IL23R: variants seen among roughly 807,000 people sequenced by gnomAD.
IL23R encodes the protein interleukin-23 receptor.
In IL23R, 34 loss-of-function variants were observed where a neutral mutation model predicts 56.9. The ratio of observed to expected loss-of-function variants is 0.60; its 90% CI spans 0.45 to 0.80. The LOEUF (loss-of-function observed/expected upper bound fraction) is 0.80, where lower values mean the gene tolerates loss of function less well. IL23R is among the 30% of genes least tolerant of loss of function. The pLI is 0.00. For synonymous variants in IL23R, 230 were observed against 249.2 expected, an observed-to-expected ratio of 0.92 and a Z score of 0.73; for missense variants, 635 against 730.0, an observed-to-expected ratio of 0.87 and a Z score of 1.50.
chr1:67,186,199 C>T (rs555290012), intron 4 of IL23R, among the ~76,000 whole-genome samples: 94 of 152,324 alleles, frequency 6.2e-4, no homozygotes, highest in African/African-American at 2.2e-3. Context: ...TTCAAGCACA[C>T]AGAAAAACCA....
At chr1:67,261,324 T>A (rs1653195134), downstream of IL23R, among the ~76,000 whole-genome samples, 1 of 151,616 alleles carries the variant, frequency 6.6e-6, no homozygotes, top group Non-Finnish European at 1.5e-5. Flanking sequence ...TATCTTTTTT[T>A]TTTTTTTTGC....
In IL23R at chr1:67,258,511, G is replaced by A. The variant is rs769973852; in HGVS notation, c.1273G>A (p.Glu425Lys). ...NSELMNNNSS[E>K]QVLYVDPMIT... ...TGAACTTATGAATAATAATTCCAGT[G>A]AGCAGGTCCTATATGTTGATCCCAT... The change falls in exon 11 of 11, where the codon GAG becomes AAG. Residue 425 changes from glutamate (E) to lysine (K), a missense_variant. Physicochemically the swap from Glu to Lys is moderately conservative, Grantham distance 56. Transcript: ENST00000347310. 1 of 1,602,670 alleles carries A rather than the reference G, an allele frequency of 6.2e-7. No homozygotes were observed. Among genetic ancestry groups the A allele is most frequent in the Non-Finnish European group, 8.5e-7 (1 of 1,174,844 alleles).
At chr1:67,161,775 G>A (rs1233878657), upstream of IL23R, among the ~76,000 whole-genome samples, 5 of 151,760 alleles carry the variant, frequency 3.3e-5, no homozygotes, top group African/African-American at 1.2e-4. Flanking sequence ...TTACAGACAT[G>A]AGCCAACACG....
rs184804536 is a variant in IL23R at position 67,184,483 on chromosome 1, C to T, written c.491+1524C>T. Among the ~76,000 whole-genome samples the T allele has an allele frequency of 3.1e-3, 473 of 150,672 alleles. 5 individuals are homozygous for T. Among genetic ancestry groups the T allele is most frequent in the African/African-American group, 0.011 (456 of 40,928 alleles). Reference sequence around the variant, plus strand: ...ATTGCTTGAACTCAGGAGACAGGAGCTTGCAGTGAGCCAAGATCGTGCCAT... The same window carrying T: ...ATTGCTTGAACTCAGGAGACAGGAGTTTGCAGTGAGCCAAGATCGTGCCAT... On this transcript the variant is annotated intron_variant, in intron 4 of 10. Coordinates refer to ENST00000347310, the MANE Select transcript of IL23R (RefSeq NM_144701.3).
intron 9 of IL23R, among the ~76,000 whole-genome samples, chr1:67,240,918 T>C (rs59033475): frequency 0.12 from 17,914 of 152,246 alleles, 1,582 homozygotes; most frequent in Admixed American, 0.26. Context: ...GCATTTGCCT[T>C]ATTTGAACAC....
At chr1:67,228,147 T>TTTC (rs1354633081) in intron 7 of IL23R, among the ~76,000 whole-genome samples, 3 of 98,472 alleles carry the variant, frequency 3.0e-5, no homozygotes, top group South Asian at 3.1e-4. Context: ...TTTCTGTCTT[T>TTTC]CTTTTTCCTT....
intron 3 of IL23R, among the ~76,000 whole-genome samples, chr1:67,172,235 G>A (rs1012196508): frequency 6.6e-6 from 1 of 152,050 alleles, no homozygotes; most frequent in Non-Finnish European, 1.5e-5. Flanking sequence ...GCTTTCACTG[G>A]ACCACTTTGA....
At chr1:67,154,672 G>A (rs1453739216) in intron 1 of IL23R, among the ~76,000 whole-genome samples, 1 of 151,798 alleles carries the variant, frequency 6.6e-6, no homozygotes, top group Non-Finnish European at 1.5e-5. Context: ...TTTATTTTGA[G>A]CCAATGTGTC....
chr1:67,221,856 A>G (rs1650272753), intron 7 of IL23R, among the ~76,000 whole-genome samples: 1 of 152,118 alleles, frequency 6.6e-6, no homozygotes, highest in Non-Finnish European at 1.5e-5. Context: ...CTCTTCTGGT[A>G]TCTCCTACTG....
intron 9 of IL23R, among the ~76,000 whole-genome samples, chr1:67,250,924 G>A (rs568063272): frequency 3.3e-5 from 5 of 152,298 alleles, no homozygotes; most frequent in South Asian, 4.1e-4. Flanking sequence ...AATGGATTTC[G>A]AGAGAGATCT....
intron 1 of IL23R, among the ~76,000 whole-genome samples, chr1:67,154,014 C>A (rs548912903): frequency 6.6e-6 from 1 of 152,178 alleles, no homozygotes; most frequent in East Asian, 1.9e-4. Flanking sequence ...GTGATCTGCC[C>A]GCTTCGTTCT....
At chr1:67,173,142 A>G (rs542913934) in intron 3 of IL23R, among the ~76,000 whole-genome samples, 18 of 152,144 alleles carry the variant, frequency 1.2e-4, no homozygotes, top group Non-Finnish European at 2.2e-4. Context: ...ATTCTCTAGT[A>G]TCTAGTTGTA....
chr1:67,218,352 G>GTA (rs369692194), intron 6 of IL23R, among the ~76,000 whole-genome samples: 92 of 100,400 alleles, frequency 9.2e-4, no homozygotes, highest in African/African-American at 2.9e-3. Context: ...GTGTGTGTGT[G>GTA]TGTGTGTATA....
chr1:67,177,032 G>A (rs56980504), intron 3 of IL23R, among the ~76,000 whole-genome samples: 3,612 of 152,182 alleles, frequency 0.024, 134 homozygotes, highest in African/African-American at 0.082. Flanking sequence ...GGACATTTGG[G>A]TTGGTTCCAA....
rs150101580 is a variant in IL23R, at chr1:67,220,638, C to A, written c.955+908C>A. Among the ~76,000 whole-genome samples, 177 of 152,232 alleles carry A rather than the reference C, an allele frequency of 1.2e-3. 4 individuals are homozygous for A. The East Asian group carries it at 0.029, about 25-fold the overall frequency. ...ATCCCAGCACTTTGGGAGACCAAGG[C>A]AGAAAGATTGCTTGAGCCCAGGAGT... On this transcript the variant is annotated intron_variant, in intron 7 of 10. Transcript: ENST00000347310.
At chr1:67,165,712 G>A (rs1646866823), upstream of IL23R, among the ~76,000 whole-genome samples, 1 of 152,220 alleles carries the variant, frequency 6.6e-6, no homozygotes. Flanking sequence ...AAGCCAGACA[G>A]AGAAAGACAA....
intron 1 of IL23R, among the ~76,000 whole-genome samples, chr1:67,144,930 C>T (rs999434353): frequency 2.6e-5 from 4 of 152,180 alleles, no homozygotes; most frequent in Admixed American, 6.5e-5. Flanking sequence ...ACTGGGGGTC[C>T]CACAGGCACT....
At position 67,258,646 on chromosome 1, in the gene IL23R, G is replaced by A. The variant is rs375054504; in HGVS notation, c.1408G>A (p.Asp470Asn). The A allele has an allele frequency of 3.8e-5, 61 of 1,613,670 alleles. No individual in the cohort carries two copies. The highest frequency in any genetic ancestry group is 4.7e-5 in the Non-Finnish European group (56 of 1,179,940). The change falls in exon 11 of 11, where the codon GAC becomes AAC. Residue 470 changes from aspartate (D) to asparagine (N), a missense_variant. Transcript: ENST00000347310. ...AGACTACCCGCAAAACTCGCTATTC[G>A]ACAATACTACAGTTGTATATATTCC... ...TRDYPQNSLF[D>N]NTTVVYIPDL...
intron 6 of IL23R, among the ~76,000 whole-genome samples, chr1:67,216,255 G>T (rs186244983): frequency 3.0e-4 from 46 of 152,330 alleles, no homozygotes; most frequent in African/African-American, 1.1e-3. Flanking sequence ...AGGCAGAGAT[G>T]TGCCATGATC....
Sources: gnomAD v4.1 joint callset for allele counts (sites outside exome capture counted in the v4.1 genomes callset) on GRCh38, gnomAD v4.1.1 for gene constraint, MANE v1.5 for transcripts, NCBI Gene and HGNC (gene_info 2026-07-23, HGNC 2026-07-21) for gene names.